The following DACH1 variants were observed in gnomAD, a reference collection of about 807,000 sequenced individuals.
DACH1 encodes dachshund family transcription factor 1.
A neutral mutation model predicts 54.2 loss-of-function variants in DACH1; 12 were observed. The ratio of observed to expected loss-of-function variants is 0.22; its 90% confidence interval spans 0.14 to 0.36. The LOEUF (loss-of-function observed/expected upper bound fraction) is 0.36, where lower values mean the gene tolerates loss of function less well. Among genes scored for constraint, DACH1 ranks in the 10% least tolerant of loss-of-function variants. The pLI is 1.00. For missense variants in DACH1, 805 were observed against 929.8 expected (o/e 0.87, Z 1.75); for synonymous variants, 386 against 366.2 (o/e 1.05, Z -0.62).
At chr13:71,706,779 C>T (rs552219578) in intron 1 of DACH1, among the ~76,000 whole-genome samples, 1 of 152,148 alleles carries the variant, frequency 6.6e-6, no homozygotes, top group East Asian at 1.9e-4. Context: ...CATTAATTCT[C>T]ATATTAAAGT....
intron 1 of DACH1, among the ~76,000 whole-genome samples, chr13:71,735,300 C>T (rs370249636): frequency 0.28 from 10,405 of 37,390 alleles, 3,064 homozygotes; most frequent in Non-Finnish European, 0.65. Context: ...TACACGTATA[C>T]GGGATATACG....
intron 1 of DACH1, among the ~76,000 whole-genome samples, chr13:71,771,326 T>C (rs201761954): frequency 8.7e-6 from 1 of 115,372 alleles, no homozygotes; most frequent in African/African-American, 3.0e-5. Flanking sequence ...GATAAATAAA[T>C]AAATAAATAA....
chr13:71,789,468 T>C (rs922189472), intron 1 of DACH1, among the ~76,000 whole-genome samples: 12 of 152,098 alleles, frequency 7.9e-5, no homozygotes, highest in Non-Finnish European at 1.0e-4. Context: ...TATTTCTGAG[T>C]TTATCATATG....
chr13:71,640,221 T>A (rs1411468360), intron 2 of DACH1, among the ~76,000 whole-genome samples: 1 of 152,022 alleles, frequency 6.6e-6, no homozygotes, highest in African/African-American at 2.4e-5. Context: ...TAGTAGCTTA[T>A]GGATTGTATA....
intron 10 of DACH1, among the ~76,000 whole-genome samples, chr13:71,474,256 C>A (rs1877328514): frequency 1.3e-5 from 2 of 152,052 alleles, no homozygotes; most frequent in African/African-American, 2.4e-5. Flanking sequence ...TTACACTAAG[C>A]CAAGAATGAC....
intron 6 of DACH1, among the ~76,000 whole-genome samples, chr13:71,541,591 A>G (rs992628581): frequency 3.0e-4 from 46 of 152,202 alleles, no homozygotes; most frequent in African/African-American, 1.1e-3. Context: ...TATAGGTTAC[A>G]TTTTCCATAT....
chr13:71,498,276 G>C (rs1040146300), intron 6 of DACH1, among the ~76,000 whole-genome samples: 2 of 152,056 alleles, frequency 1.3e-5, no homozygotes, highest in East Asian at 3.9e-4. Context: ...TCATCTAGTC[G>C]CAGCTACCTA....
chr13:71,814,511 C>A (rs1887836221), intron 1 of DACH1, among the ~76,000 whole-genome samples: 3 of 152,034 alleles, frequency 2.0e-5, no homozygotes, highest in Non-Finnish European at 4.4e-5. Flanking sequence ...AACCTGGCAC[C>A]AAACAAGTTG....
At chr13:71,665,641 C>T (rs1879783107) in intron 2 of DACH1, among the ~76,000 whole-genome samples, 1 of 151,988 alleles carries the variant, frequency 6.6e-6, no homozygotes, top group Non-Finnish European at 1.5e-5. Flanking sequence ...ATTAAGCATG[C>T]TAATGAAAAT....
chr13:71,748,594 C>T (rs1369207823), intron 1 of DACH1, among the ~76,000 whole-genome samples: 1 of 152,130 alleles, frequency 6.6e-6, no homozygotes, highest in Non-Finnish European at 1.5e-5. Context: ...TCAACAGGTC[C>T]CTCTTTGTCT....
rs1873705203 is a variant in DACH1, at chr13:71,438,449, T to C, written c.*2206A>G. ...CAATAACATTTCATGAATTGTAATA[T>C]TTACAACATGTTAGTAAGAGTCTCT... On this transcript the variant is annotated 3_prime_UTR_variant, in exon 11 of 11. Coordinates refer to ENST00000613252, the MANE Select transcript of DACH1 (RefSeq NM_080759.6). 6.6e-6 allele frequency: 1 copy of C among 152,440 alleles called. No homozygotes were observed. The highest frequency in any genetic ancestry group is 6.6e-5 in the Admixed American group (1 of 15,254). 9.4% of individuals were successfully genotyped at this position (152,440 alleles called of 1,614,324 possible).
chr13:71,620,238 T>A (rs1193721004), intron 3 of DACH1, among the ~76,000 whole-genome samples: 1 of 151,968 alleles, frequency 6.6e-6, no homozygotes, highest in Non-Finnish European at 1.5e-5. Context: ...AAAAGCAAGA[T>A]AATCTAGAAG....
chr13:71,761,010 G>A (rs1885380571), intron 1 of DACH1, among the ~76,000 whole-genome samples: 1 of 151,104 alleles, frequency 6.6e-6, no homozygotes, highest in Non-Finnish European at 1.5e-5. Context: ...CATCTTGTAT[G>A]TCCTTATATC....
chr13:71,817,814 CTT>C (rs34031888), intron 1 of DACH1, among the ~76,000 whole-genome samples: 8 of 119,044 alleles, frequency 6.7e-5, no homozygotes, highest in Non-Finnish European at 1.0e-4. Flanking sequence ...TTCTTTCTTC[CTT>C]TTTTTTTTTT....
intron 1 of DACH1, among the ~76,000 whole-genome samples, chr13:71,841,520 A>G (rs988498850): frequency 6.6e-6 from 1 of 152,166 alleles, no homozygotes; most frequent in African/African-American, 2.4e-5. Flanking sequence ...CACTGAAAGA[A>G]TGCTTGCATA....
At chr13:71,665,267 G>T (rs181328680) in intron 2 of DACH1, among the ~76,000 whole-genome samples, 3 of 151,924 alleles carry the variant, frequency 2.0e-5, no homozygotes, top group Admixed American at 6.6e-5. Flanking sequence ...TAAAGTAATA[G>T]CTAAGTTAGA....
intron 10 of DACH1, among the ~76,000 whole-genome samples, chr13:71,452,317 A>G (rs1875135348): frequency 6.6e-6 from 1 of 151,996 alleles, no homozygotes. Context: ...TAGTAAAGAC[A>G]GGGTTTCACC....
At chr13:71,684,766 T>G (rs141626855) in intron 1 of DACH1, among the ~76,000 whole-genome samples, 437 of 152,280 alleles carry the variant, frequency 2.9e-3, no homozygotes, top group Non-Finnish European at 4.5e-3. Context: ...TGGTTCACTC[T>G]ATGTAGTAAA....
chr13:71,517,321 C>G lies in DACH1; in HGVS notation c.1571-28173G>C, dbSNP rs115618887. On this transcript the variant is annotated intron_variant, in intron 6 of 10. Coordinates refer to ENST00000613252, the MANE Select transcript of DACH1 (RefSeq NM_080759.6). ...AACTACATCCCATAACATGAATCTACACATTATTGACAAAATTAACTCAAC... is the reference window on the plus strand; with the variant it reads ...AACTACATCCCATAACATGAATCTAGACATTATTGACAAAATTAACTCAAC... 3.7e-3 allele frequency among the ~76,000 whole-genome samples: 563 copies of G among 151,892 alleles called. 6 individuals carry two copies. Among genetic ancestry groups the G allele is most frequent in the African/African-American group, 0.013 (540 of 41,480 alleles).
Sources: gnomAD v4.1 joint callset for allele counts (sites outside exome capture counted in the v4.1 genomes callset) on GRCh38, gnomAD v4.1.1 for gene constraint, MANE v1.5 for transcripts, NCBI Gene and HGNC (gene_info 2026-07-23, HGNC 2026-07-21) for gene names.